The following SLC25A3 variants were observed in gnomAD, a reference collection of about 807,000 sequenced individuals.
SLC25A3 encodes phosphate transport protein.
A neutral mutation model predicts 37.1 loss-of-function variants in SLC25A3; 14 were observed. The ratio of observed to expected loss-of-function variants is 0.38; its 90% CI spans 0.25 to 0.59. The LOEUF is 0.59. SLC25A3 is among the 20% of genes least tolerant of loss of function. SLC25A3 has a pLI of 0.67. For synonymous variants in SLC25A3, 161 were observed against 168.7 expected, an observed-to-expected ratio of 0.95 and a Z score of 0.36; for missense variants, 385 against 458.1, an observed-to-expected ratio of 0.84 and a Z score of 1.46.
intron 3 of SLC25A3, 117 bp downstream of exon 3, chr12:98,595,965 T>G: frequency 1.1e-6 from 1 of 917,506 alleles, no homozygotes; most frequent in Non-Finnish European, 1.8e-6. Context: ...GGAAACCACA[T>G]AGAATTTCTT....
rs1169669937 is a variant in SLC25A3, at chr12:98,600,071, G to A, written c.758G>A (p.Arg253His). ...TACAAGTTTGTGGTTCCTAAGCCCC[G>A]CAGTGAATGTTCAAAGCCAGAGCAG... ...ALYKFVVPKP[R>H]SECSKPEQLV... Residue 253 changes from arginine (R) to histidine (H), a missense_variant, in exon 6 of 8, where the codon CGC (arginine) becomes CAC (histidine). Coordinates refer to ENST00000552981, the MANE Select transcript of SLC25A3 (RefSeq NM_002635.4). The A allele has an allele frequency of 5.0e-6, 8 of 1,614,034 alleles. No homozygotes were observed. The highest frequency in any genetic ancestry group is 1.7e-5 in the Admixed American group (1 of 60,002).
At chr12:98,597,412 A>G (rs2097593884) in intron 3 of SLC25A3, among the ~76,000 whole-genome samples, 1 of 150,686 alleles carries the variant, frequency 6.6e-6, no homozygotes, top group Admixed American at 6.6e-5. Context: ...GAGCTACTGT[A>G]TTTCTTTTTT....
chr12:98,596,594 GC>G (rs1193146580), intron 3 of SLC25A3, among the ~76,000 whole-genome samples: 3 of 151,286 alleles, frequency 2.0e-5, no homozygotes, highest in African/African-American at 7.3e-5. Flanking sequence ...TAGTTTATGT[GC>G]TTTTTTTTTT....
intron 5 of SLC25A3, chr12:98,599,528 G>A (rs1455285060): frequency 3.3e-5 from 14 of 427,438 alleles, no homozygotes; most frequent in South Asian, 2.0e-4. Context: ...ACCATTTGTC[G>A]GTCTACAAAT....
In SLC25A3 at chr12:98,597,714, G is replaced by A. The variant is rs1051166392; in HGVS notation, c.280-142G>A. ...GCTGGGATTACAGATGTGAGCCACC[G>A]TGCCTGGCAGGAATTACTGTAGTTA... On this transcript the variant is annotated intron_variant, in intron 3 of 7. Coordinates refer to ENST00000552981, the MANE Select transcript of SLC25A3 (RefSeq NM_002635.4). 9 of 1,192,432 alleles carry A rather than the reference G, an allele frequency of 7.5e-6. No individual in the cohort carries two copies. In the Admixed American group the frequency reaches 9.5e-5, roughly 13 times the overall value. The allele number at this position is 1,192,432 out of a possible 1,614,324, so 73.9% of individuals were successfully genotyped here.
intron 5 of SLC25A3, 76 bp from the exon 6 acceptor site, chr12:98,599,879 A>T (rs2153287015): frequency 6.6e-7 from 1 of 1,509,782 alleles, no homozygotes. Context: ...TCGTGTGCGG[A>T]CATTTCTGTT....
At position 98,601,984 on chromosome 12, in the gene SLC25A3, G is replaced by A. The variant is rs2097598286; in HGVS notation, c.*456G>A. The A allele has an allele frequency of 5.0e-6, 1 of 198,052 alleles. No homozygotes were observed. Among genetic ancestry groups the A allele is most frequent in the African/African-American group, 2.4e-5 (1 of 41,874 alleles). The allele number at this position is 198,052 out of a possible 1,614,324, so 12.3% of individuals were successfully genotyped here. A position where few individuals can be genotyped will look rare whatever the true frequency, so the allele number is the denominator to read the frequency against. The stretch of plus-strand genomic sequence containing the variant: ...TTTGTGGTTATTTTGGCAAGTAAAT[G>A]TCAGTGTATACTTACATTTTTGCAG... On this transcript the variant is annotated 3_prime_UTR_variant, in exon 8 of 8. Transcript: ENST00000552981.
rs548549630 is a variant in SLC25A3, at chr12:98,598,017, T to C, written c.441T>C (p.Tyr147=). 2 of 1,613,532 alleles carry C rather than the reference T, an allele frequency of 1.2e-6. No individual in the cohort carries two copies. Among genetic ancestry groups the C allele is most frequent in the East Asian group, 2.2e-5 (1 of 44,880 alleles). ...FGFYEVFKVL[Y]SNMLGEENTY... is the part of the protein sequence containing the mutation. Reference sequence around the variant, plus strand: ...TTTATGAAGTCTTTAAAGTCTTGTATAGCAATATGCTTGGAGAGGTATGTA... The same window carrying C: ...TTTATGAAGTCTTTAAAGTCTTGTACAGCAATATGCTTGGAGAGGTATGTA... The change falls in exon 4 of 8, where the codon TAT becomes TAC. Residue 147 remains tyrosine (Y), a synonymous_variant. Transcript: ENST00000552981.
At chr12:98,598,724 T>G in intron 5 of SLC25A3, 21 bp downstream of exon 5, 2 of 1,600,906 alleles carry the variant, frequency 1.2e-6, no homozygotes, top group Non-Finnish European at 1.7e-6. Context: ...ACTTAAAAAT[T>G]TATACTATGA....
chr12:98,601,328 A>G, intron 7 of SLC25A3, 40 bp from the exon 8 acceptor site: 4 of 1,614,102 alleles, frequency 2.5e-6, no homozygotes, highest in Non-Finnish European at 3.4e-6. Context: ...AGTTTTGGAT[A>G]TGTTGCATTT....
rs2097599721 is a variant in SLC25A3 at position 98,603,901 on chromosome 12, C to G, written c.*2373C>G. ...TATGTATGTATTGGTGTTCTTTTTA[C>G]ATTTCATTTAATGAAATGTCTACTG... On this transcript the variant is annotated 3_prime_UTR_variant, in exon 8 of 8. Coordinates refer to ENST00000552981, the MANE Select transcript of SLC25A3 (RefSeq NM_002635.4). 6.6e-6 allele frequency: 1 copy of G among 152,096 alleles called. No individual in the cohort carries two copies. Among genetic ancestry groups the G allele is most frequent in the South Asian group, 2.1e-4 (1 of 4,824 alleles). 9.4% of individuals were successfully genotyped at this position (152,096 alleles called of 1,614,324 possible). A position where few individuals can be genotyped will look rare whatever the true frequency, so the allele number is the denominator to read the frequency against.
intron 6 of SLC25A3, 143 bp downstream of exon 6, chr12:98,600,270 C>T: frequency 1.5e-6 from 1 of 675,966 alleles, no homozygotes; most frequent in Non-Finnish European, 2.7e-6. Flanking sequence ...CATAGTCTCG[C>T]TCTGTTGCCC....
intron 6 of SLC25A3, among the ~76,000 whole-genome samples, chr12:98,600,608 C>T (rs535024078): frequency 1.3e-5 from 2 of 152,042 alleles, no homozygotes; most frequent in South Asian, 4.1e-4. Context: ...GAGACGGTTT[C>T]ACTATGTTGG....
intron 7 of SLC25A3, 32 bp from the exon 8 acceptor site, chr12:98,601,335 AT>A (rs757305321): frequency 2.5e-6 from 4 of 1,613,976 alleles, no homozygotes; most frequent in Admixed American, 1.7e-5. Flanking sequence ...GATATGTTGC[AT>A]TTTTTTCATT....
intron 4 of SLC25A3, 69 bp downstream of exon 4, chr12:98,598,104 T>C: frequency 6.5e-7 from 1 of 1,534,114 alleles, no homozygotes; most frequent in Non-Finnish European, 9.0e-7. Context: ...TAGATTTTTG[T>C]CTGTCTTGCC....
rs1030189049 is a variant in SLC25A3, at chr12:98,602,799, C to G, written c.*1271C>G. On this transcript the variant is annotated 3_prime_UTR_variant, in exon 8 of 8. Coordinates refer to ENST00000552981, the MANE Select transcript of SLC25A3 (RefSeq NM_002635.4). ...TTACCTAGAGTCCTTATGTGTAATA[C>G]GTGGGTTGGTTAACAGTCCCTACGT... 11 of 152,134 alleles carry G rather than the reference C, an allele frequency of 7.2e-5. No homozygotes were observed. The highest frequency in any genetic ancestry group is 9.7e-5 in the African/African-American group (4 of 41,424). The allele number at this position is 152,134 out of a possible 1,614,324, so 9.4% of individuals were successfully genotyped here.
Position 98,606,222 on chromosome 12 carries a change from A to G in SLC25A3, c.*4694A>G, listed in dbSNP as rs1351440719. ...CCTGGATATCACATAGTTGAGAAAC[A>G]AAGTTATTTTAAACTTACAGGACTC... is the stretch of plus-strand genomic sequence containing the variant. On this transcript the variant is annotated 3_prime_UTR_variant, in exon 8 of 8. Transcript: ENST00000552981. The G allele has an allele frequency of 1.3e-5, 2 of 152,248 alleles. No homozygotes were observed. Among genetic ancestry groups the G allele is most frequent in the African/African-American group, 4.8e-5 (2 of 41,452 alleles). 9.4% of individuals were successfully genotyped at this position (152,248 alleles called of 1,614,324 possible). A position where few individuals can be genotyped will look rare whatever the true frequency, so the allele number is the denominator to read the frequency against.
At chr12:98,594,800 A>C (rs2097591546) in intron 2 of SLC25A3, 3 of 188,906 alleles carry the variant, frequency 1.6e-5, no homozygotes, top group Non-Finnish European at 3.4e-5. Context: ...GAAACCTGAA[A>C]ACCGAATTGT....
Position 98,603,750 on chromosome 12 carries a change from G to T in SLC25A3, c.*2222G>T, listed in dbSNP as rs570411983. 1.3e-5 allele frequency: 2 copies of T among 152,078 alleles called. No homozygotes were observed. Among genetic ancestry groups the T allele is most frequent in the African/African-American group, 4.8e-5 (2 of 41,404 alleles). The allele number at this position is 152,078 out of a possible 1,614,324, so 9.4% of individuals were successfully genotyped here. ...CTGCCACTGTAGTTACTAGAGTTAC[G>T]GTTCAAAGCTATTTCTGAGAGAAAG... On this transcript the variant is annotated 3_prime_UTR_variant, in exon 8 of 8. Coordinates refer to ENST00000552981, the MANE Select transcript of SLC25A3 (RefSeq NM_002635.4).
Sources: gnomAD v4.1 joint callset for allele counts (sites outside exome capture counted in the v4.1 genomes callset) on GRCh38, gnomAD v4.1.1 for gene constraint, MANE v1.5 for transcripts, NCBI Gene and HGNC (gene_info 2026-07-23, HGNC 2026-07-21) for gene names.